SLC4A7: variants seen among roughly 807,000 people sequenced by gnomAD.
The protein encoded by SLC4A7 is solute carrier family 4 member 7, also known as sodium bicarbonate cotransporter 3.
SLC4A7 carries 51 observed loss-of-function variants against 137.6 expected under a neutral mutation model. That is an observed-to-expected ratio of 0.37 (90% CI 0.30 to 0.47). SLC4A7 has a LOEUF of 0.47. SLC4A7 is among the 20% of genes least tolerant of loss of function. The probability of loss-of-function intolerance (pLI) is 1.00; values close to 1 mark genes in which losing one functional copy is unlikely to be tolerated. For missense variants in SLC4A7, 1,247 were observed against 1,525.4 expected, an observed-to-expected ratio of 0.82 and a Z score of 3.04; for synonymous variants, 542 against 518.6, an observed-to-expected ratio of 1.05 and a Z score of -0.61.
intron 22 of SLC4A7, among the ~76,000 whole-genome samples, chr3:27,388,952 T>C (rs1164947763): frequency 6.6e-6 from 1 of 152,132 alleles, no homozygotes; most frequent in Non-Finnish European, 1.5e-5. Context: ...TTTATTGATA[T>C]TCATGCAAGT....
intron 7 of SLC4A7, among the ~76,000 whole-genome samples, chr3:27,425,676 C>CAAAAAAAAAAAA (rs59895795): frequency 1.6e-5 from 1 of 61,488 alleles, no homozygotes; most frequent in Non-Finnish European, 2.7e-5. Flanking sequence ...AACTCTGTCT[C>CAAAAAAAAAAAA]AAAAAAAAAA....
rs2055295372 is a variant in SLC4A7 at position 27,424,136 on chromosome 3, G to A, written c.1167C>T (p.Pro389=). The change falls in exon 8 of 26, where the codon CCC becomes CCT. Residue 389 remains proline, a synonymous_variant. Coordinates refer to ENST00000454389, the MANE Select transcript of SLC4A7 (RefSeq NM_001321103.2). The part of the protein sequence containing the change: ...VDLTPGILAS[P]QSAPGNLDNS... ...TGTCCAAGTTTCCAGGAGCAGACTG[G>A]GGAGAGGCCAAAATACCTATGTTTA... The A allele has an allele frequency of 6.3e-7, 1 of 1,595,132 alleles. No homozygotes were observed. The highest frequency in any genetic ancestry group is 8.6e-7 in the Non-Finnish European group (1 of 1,168,368).
In SLC4A7 at chr3:27,373,329, A is replaced by T. The variant is rs1338053327; in HGVS notation, c.*3435T>A. 1 of 152,148 alleles carries T rather than the reference A, an allele frequency of 6.6e-6. No individual in the cohort carries two copies. Among genetic ancestry groups the T allele is most frequent in the Non-Finnish European group, 1.5e-5 (1 of 67,978 alleles). The allele number at this position is 152,148 out of a possible 1,614,324, so 9.4% of individuals were successfully genotyped here. ...AAACCAATTTATATGAAGATTGCCAAATTTTGCAATTTGAACACTATTTTA... is the reference window on the plus strand; with the variant it reads ...AAACCAATTTATATGAAGATTGCCATATTTTGCAATTTGAACACTATTTTA... On this transcript the variant is annotated 3_prime_UTR_variant, in exon 26 of 26. Transcript: ENST00000454389.
At chr3:27,421,832 A>G in intron 8 of SLC4A7, 53 bp from the exon 9 acceptor site, 3 of 1,389,762 alleles carry the variant, frequency 2.2e-6, no homozygotes, top group Non-Finnish European at 3.0e-6. Context: ...TTGTAAGACT[A>G]GAGAGAAACA....
In SLC4A7 at chr3:27,475,023, T is replaced by C. The variant is rs2059407435; in HGVS notation, c.60+9044A>G. Among the ~76,000 whole-genome samples, 4 of 152,024 alleles carry C rather than the reference T, an allele frequency of 2.6e-5. No individual in the cohort carries two copies. In the South Asian group the frequency reaches 8.3e-4, roughly 32 times the overall value. On this transcript the variant is annotated intron_variant, in intron 1 of 25. Coordinates refer to ENST00000454389, the MANE Select transcript of SLC4A7 (RefSeq NM_001321103.2). ...TACTTGGGAGGCCAAGGCAGGACAA[T>C]CGCTTGAACCTGGGAGGTGGAGGTT...
At position 27,390,160 on chromosome 3, in the gene SLC4A7, G is replaced by A. The variant is rs551513201; in HGVS notation, c.3187-56C>T. On this transcript the variant is annotated intron_variant, in intron 21 of 25. Transcript: ENST00000454389. ...TCAATAAAATATTTCTGCTATTTAG[G>A]AGAAGAATCTATACTCAACTTTAGG... 3.6e-5 allele frequency: 38 copies of A among 1,054,558 alleles called. No individual in the cohort carries two copies. The South Asian group carries it at 5.0e-4, about 14-fold the overall frequency. 65.3% of individuals were successfully genotyped at this position (1,054,558 alleles called of 1,614,324 possible).
chr3:27,484,222 C>G lies in SLC4A7; in HGVS notation c.-96G>C, dbSNP rs551171195. The G allele has an allele frequency of 3.4e-4, 361 of 1,054,584 alleles. 2 individuals carry two copies. In the African/African-American group the frequency reaches 5.5e-3, roughly 16 times the overall value. The allele number at this position is 1,054,584 out of a possible 1,614,324, so 65.3% of individuals were successfully genotyped here. A position where few individuals can be genotyped will look rare whatever the true frequency, so the allele number is the denominator to read the frequency against. ...CCTGCCGCCGCCGCCGAGCCCCCGG[C>G]GCGCGAGGACAAACGTGGGTGCGTC... On this transcript the variant is annotated 5_prime_UTR_variant, in exon 1 of 26. Transcript: ENST00000454389.
At chr3:27,453,653 C>G (rs906808343) in intron 1 of SLC4A7, among the ~76,000 whole-genome samples, 1 of 152,162 alleles carries the variant, frequency 6.6e-6, no homozygotes, top group Non-Finnish European at 1.5e-5. Flanking sequence ...ATTGTTGCTG[C>G]TATGGAAACC....
At chr3:27,444,089 T>C (rs1348348252) in intron 3 of SLC4A7, among the ~76,000 whole-genome samples, 1 of 152,194 alleles carries the variant, frequency 6.6e-6, no homozygotes, top group Non-Finnish European at 1.5e-5. Context: ...ATCAATCTGG[T>C]TGGGCAATGT....
At chr3:27,476,072 G>A (rs1484609618) in intron 1 of SLC4A7, among the ~76,000 whole-genome samples, 2 of 152,136 alleles carry the variant, frequency 1.3e-5, no homozygotes, top group Non-Finnish European at 2.9e-5. Context: ...CTTGTCATTG[G>A]TGGTTTTATA....
chr3:27,480,377 G>T (rs1036465601), intron 1 of SLC4A7, among the ~76,000 whole-genome samples: 1 of 152,106 alleles, frequency 6.6e-6, no homozygotes, highest in Non-Finnish European at 1.5e-5. Flanking sequence ...GGGACTACAG[G>T]CTAGCACCAA....
At chr3:27,377,938 A>G (rs1302471821) in intron 25 of SLC4A7, among the ~76,000 whole-genome samples, 2 of 152,198 alleles carry the variant, frequency 1.3e-5, no homozygotes, top group Non-Finnish European at 2.9e-5. Context: ...GTGCAGGGCA[A>G]CCCAAACAAA....
intron 13 of SLC4A7, among the ~76,000 whole-genome samples, chr3:27,406,447 T>C (rs1482951569): frequency 6.6e-6 from 1 of 152,130 alleles, no homozygotes; most frequent in South Asian, 2.1e-4. Flanking sequence ...GATAAACAAA[T>C]TTATCTTTTG....
At chr3:27,483,927 C>G in intron 1 of SLC4A7, 140 bp downstream of exon 1, 1 of 560,888 alleles carries the variant, frequency 1.8e-6, no homozygotes, top group Non-Finnish European at 2.5e-6. Flanking sequence ...TGGCGAGGCG[C>G]GCCGGCCGCC....
rs938115777 is a variant in SLC4A7, at chr3:27,452,113, T to A, written c.142+304A>T. Among the ~76,000 whole-genome samples the A allele has an allele frequency of 6.6e-5, 10 of 152,238 alleles. No homozygotes were observed. In the East Asian group the frequency reaches 1.7e-3, roughly 26 times the overall value. Reference sequence around the variant, plus strand: ...TTATTAGTCTGGCACTCTAGTGTACTCATAACACAAATTACTCAGCCTGCT... The same window carrying A: ...TTATTAGTCTGGCACTCTAGTGTACACATAACACAAATTACTCAGCCTGCT... On this transcript the variant is annotated intron_variant, in intron 2 of 25. Coordinates refer to ENST00000454389, the MANE Select transcript of SLC4A7 (RefSeq NM_001321103.2).
chr3:27,452,322 T>G, intron 2 of SLC4A7, 95 bp downstream of exon 2: 1 of 785,634 alleles, frequency 1.3e-6, no homozygotes, highest in East Asian at 2.9e-5. Flanking sequence ...ACAAAAAAAC[T>G]CAACAAATAC....
At position 27,376,590 on chromosome 3, in the gene SLC4A7, AT is replaced by A. The variant is rs2049912870; in HGVS notation, c.*173del. ...CCATGTACCTCACTTCAAAGAGAGCATTTCATTAAATACATAGTCTCCACGG... is the reference window on the plus strand; with the variant it reads ...CCATGTACCTCACTTCAAAGAGAGCATTCATTAAATACATAGTCTCCACGG... On this transcript the variant is annotated 3_prime_UTR_variant, in exon 26 of 26. Transcript: ENST00000454389. The A allele has an allele frequency of 2.5e-6, 1 of 400,124 alleles. No homozygotes were observed. Among genetic ancestry groups the A allele is most frequent in the Non-Finnish European group, 4.5e-6 (1 of 222,736 alleles). The allele number at this position is 400,124 out of a possible 1,614,324, so 24.8% of individuals were successfully genotyped here. A position where few individuals can be genotyped will look rare whatever the true frequency, so the allele number is the denominator to read the frequency against.
chr3:27,442,596 G>C (rs989317558), intron 3 of SLC4A7, among the ~76,000 whole-genome samples: 1 of 151,986 alleles, frequency 6.6e-6, no homozygotes, highest in African/African-American at 2.4e-5. Flanking sequence ...TTTTGGTAGA[G>C]ACTAGGGTTT....
intron 3 of SLC4A7, among the ~76,000 whole-genome samples, chr3:27,440,676 C>A (rs1456366285): frequency 6.6e-6 from 1 of 151,844 alleles, no homozygotes; most frequent in Non-Finnish European, 1.5e-5. Context: ...TACAGTGAGC[C>A]AAGATCATGC....
Sources: gnomAD v4.1 joint callset for allele counts (sites outside exome capture counted in the v4.1 genomes callset) on GRCh38, gnomAD v4.1.1 for gene constraint, MANE v1.5 for transcripts, NCBI Gene and HGNC (gene_info 2026-07-23, HGNC 2026-07-21) for gene names.